PCNT: variants seen among roughly 807,000 people sequenced by gnomAD.
PCNT encodes pericentrin.
Under a neutral mutation model 380.4 loss-of-function variants are expected in PCNT, and 319 were observed. The observed-to-expected ratio is 0.84, with a 90% confidence interval of 0.77 to 0.92. PCNT has a LOEUF of 0.92. Ranked by LOEUF, PCNT falls within the 40% of genes least tolerant of loss-of-function variation. The probability of loss-of-function intolerance (pLI) is 0.00; values close to 1 mark genes in which losing one functional copy is unlikely to be tolerated. For missense variants in PCNT, 4,400 were observed against 4,255.3 expected (o/e 1.03, Z -0.95); for synonymous variants, 1,845 against 1,735.2 (o/e 1.06, Z -1.57).
chr21:46,427,697 G>A lies in PCNT; in HGVS notation c.7396G>A (p.Glu2466Lys), dbSNP rs1270124196. The change falls in exon 34 of 47, where the codon GAG (glutamate) becomes AAG (lysine). Residue 2466 changes from glutamate (E) to lysine (K), a missense_variant. Physicochemically the swap from Glu to Lys is moderately conservative, Grantham distance 56 (BLOSUM62 1). Transcript: ENST00000359568. ...VVQEAFEKEQ[E>K]MQGVELQPRL... ...GCAAGAGGCCTTTGAAAAAGAGCAG[G>A]AGATGCAGGGGGTTGAGCTGCAGCC... The A allele has an allele frequency of 6.2e-7, 1 of 1,613,950 alleles. No homozygotes were observed. The highest frequency in any genetic ancestry group is 1.1e-5 in the South Asian group (1 of 91,084).
rs144430478 is a variant in PCNT, at chr21:46,416,266, C to T, written c.6348C>T (p.Asp2116=). The T allele has an allele frequency of 6.1e-5, 98 of 1,614,152 alleles. No homozygotes were observed. The highest frequency in any genetic ancestry group is 2.0e-4 in the African/African-American group (15 of 75,022). Residue 2116 remains aspartate, a synonymous_variant, in exon 30 of 47, where the codon GAC becomes GAT. Coordinates refer to ENST00000359568, the MANE Select transcript of PCNT (RefSeq NM_006031.6). ...LESSWSDDSC[D]GEEPDISPHI... is the part of the protein sequence containing the mutation. ...GCAGCTGGAGTGATGATTCCTGTGA[C>T]GGAGAAGAGCCTGACATATCACCCC...
chr21:46,428,233 C>T (rs559171911), intron 34 of PCNT, among the ~76,000 whole-genome samples, 162 bp from the exon 35 acceptor site: 13 of 152,300 alleles, frequency 8.5e-5, no homozygotes, highest in East Asian at 3.9e-4. Context: ...CCAGCCCTGA[C>T]GCCTGCAGGC....
At position 46,367,065 on chromosome 21, in the gene PCNT, C is replaced by G. The variant is rs766301934; in HGVS notation, c.3091C>G (p.Arg1031Gly). ...ACACGAAGGGGAGCTACAGTCTGTG[C>G]GGGACCACCTGCGAACCGAAGTGAG... Reference protein sequence around the residue: ...RKHEGELQSVRDHLRTEVSTE... With the variant: ...RKHEGELQSVGDHLRTEVSTE... The change falls in exon 15 of 47, where the codon CGG (arginine) becomes GGG (glycine). Residue 1031 changes from arginine (R) to glycine (G), a missense_variant. Physicochemically the swap from Arg to Gly is moderately radical, Grantham distance 125. Coordinates refer to ENST00000359568, the MANE Select transcript of PCNT (RefSeq NM_006031.6). The G allele has an allele frequency of 1.4e-5, 22 of 1,613,906 alleles. No individual in the cohort carries two copies. Among genetic ancestry groups the G allele is most frequent in the Non-Finnish European group, 1.8e-5 (21 of 1,179,994 alleles).
rs548287016 is a variant in PCNT, at chr21:46,416,718, C to T, written c.6800C>T (p.Ser2267Leu). 9.0e-5 allele frequency: 142 copies of T among 1,579,278 alleles called. No homozygotes were observed. The Admixed American group carries it at 9.7e-4, about 11-fold the overall frequency. ...TCCCTGGGGGACAGGGCGGACACCT[C>T]GCTGCCACAGACCCAGGGGCCGGGG... is the stretch of plus-strand genomic sequence containing the variant. ...DTSLGDRADT[S>L]LPQTQGPGLL... The change falls in exon 30 of 47, where the codon TCG (serine) becomes TTG (leucine). Residue 2267 changes from serine (S) to leucine (L), a missense_variant. Ser to Leu is a moderately radical substitution (Grantham distance 145, BLOSUM62 -2). Coordinates refer to ENST00000359568, the MANE Select transcript of PCNT (RefSeq NM_006031.6).
At position 46,411,994 on chromosome 21, in the gene PCNT, C is replaced by T. The variant is rs143248882; in HGVS notation, c.5921C>T (p.Ala1974Val). 7 of 1,605,498 alleles carry T rather than the reference C, an allele frequency of 4.4e-6. No individual in the cohort carries two copies. The African/African-American group carries it at 9.3e-5, about 21-fold the overall frequency. ...AHPQPRMDGG[A>V]KAQVTGDVEA... Reference sequence around the variant, plus strand: ...CCACAGCCTCGCATGGATGGTGGCGCCAAGGCCCAGGTCACCGGCGACGTG... The same window carrying T: ...CCACAGCCTCGCATGGATGGTGGCGTCAAGGCCCAGGTCACCGGCGACGTG... Residue 1974 changes from alanine (A) to valine (V), a missense_variant, in exon 28 of 47, where the codon GCC becomes GTC. By Grantham distance (64) the Ala-to-Val change is moderately conservative. Coordinates refer to ENST00000359568, the MANE Select transcript of PCNT (RefSeq NM_006031.6).
At position 46,351,523 on chromosome 21, in the gene PCNT, G is replaced by A; in HGVS notation, c.1439G>A (p.Ser480Asn). 6.2e-7 allele frequency: 1 copy of A among 1,603,466 alleles called. No individual in the cohort carries two copies. Among genetic ancestry groups the A allele is most frequent in the South Asian group, 1.1e-5 (1 of 90,856 alleles). ...TCCCAGCTTGATTCTGCCAGGACCA[G>A]TAGACAGGAATTGAGTGGTGAGGAA... The part of the protein sequence containing the change: ...LWSQLDSART[S>N]RQELSELHEQ... Residue 480 changes from serine to asparagine, a missense_variant, in exon 9 of 47, where the codon AGT becomes AAT. Ser to Asn is a conservative substitution (Grantham distance 46, BLOSUM62 1). Coordinates refer to ENST00000359568, the MANE Select transcript of PCNT (RefSeq NM_006031.6).
rs2087033609 is a variant in PCNT, at chr21:46,416,536, T to C, written c.6618T>C (p.Thr2206=). The part of the protein sequence containing the change: ...VLGGSRHQSH[T]AEAGPRKSPV... Reference sequence around the variant, plus strand: ...GTGGCTCCCGCCACCAGAGCCACACTGCAGAGGCTGGGCCCCGGAAGAGCC... The same window carrying C: ...GTGGCTCCCGCCACCAGAGCCACACCGCAGAGGCTGGGCCCCGGAAGAGCC... Residue 2206 remains threonine (T), a synonymous_variant, in exon 30 of 47, where the codon ACT becomes ACC. Coordinates refer to ENST00000359568, the MANE Select transcript of PCNT (RefSeq NM_006031.6). 1.2e-6 allele frequency: 2 copies of C among 1,613,558 alleles called. No homozygotes were observed. Among genetic ancestry groups the C allele is most frequent in the African/African-American group, 1.3e-5 (1 of 74,922 alleles).
intron 44 of PCNT, 160 bp downstream of exon 44, chr21:46,442,733 G>A (rs2053642747): frequency 5.9e-6 from 4 of 679,568 alleles, no homozygotes; most frequent in South Asian, 1.6e-5. Flanking sequence ...GAGGGAAGGC[G>A]CGCCCGGCGT....
chr21:46,372,513 G>GT (rs536034481), intron 15 of PCNT, among the ~76,000 whole-genome samples: 36 of 152,336 alleles, frequency 2.4e-4, no homozygotes, highest in Admixed American at 2.4e-3. Context: ...TGGCCTTTCT[G>GT]TGGGGGGAGG....
At chr21:46,377,144 G>A (rs2085355076) in intron 15 of PCNT, among the ~76,000 whole-genome samples, 1 of 152,178 alleles carries the variant, frequency 6.6e-6, no homozygotes, top group Admixed American at 6.5e-5. Context: ...TGTGTTTATT[G>A]AAACTGTTGC....
At chr21:46,399,306 T>TGCAGCCTGTGGGTCTGGGTCTCTG (rs1569252798) in intron 24 of PCNT, among the ~76,000 whole-genome samples, 3 of 55,050 alleles carry the variant, frequency 5.4e-5, no homozygotes, top group South Asian at 4.8e-4. Flanking sequence ...CTGGGTCTCT[T>TGCAGCCTGTGGGTCTGGGTCTCTG]TTCAGCCTGT....
In PCNT at chr21:46,422,017, C is replaced by T; in HGVS notation, c.7072C>T (p.Pro2358Ser). The T allele has an allele frequency of 1.2e-6, 2 of 1,614,010 alleles. No individual in the cohort carries two copies. Among genetic ancestry groups the T allele is most frequent in the South Asian group, 1.1e-5 (1 of 91,086 alleles). ...AAGACTGAGCCCGGGGTCAGGAGGC[C>T]CTGAGGCTCAAACTGCTGGTCCTGT... is the stretch of plus-strand genomic sequence containing the variant. ...GARLSPGSGG[P>S]EAQTAGPVTP... Residue 2358 changes from proline (P) to serine (S), a missense_variant, in exon 32 of 47, where the codon CCT becomes TCT. Pro to Ser is a moderately conservative substitution (Grantham distance 74). Transcript: ENST00000359568.
intron 33 of PCNT, among the ~76,000 whole-genome samples, chr21:46,426,598 G>C (rs1367654480): frequency 1.3e-5 from 2 of 152,148 alleles, no homozygotes; most frequent in Non-Finnish European, 2.9e-5. Context: ...TGCCACTCGG[G>C]TGACTTGCCC....
At chr21:46,334,263 C>A in intron 2 of PCNT, 134 bp from the exon 3 acceptor site, 5 of 1,204,492 alleles carry the variant, frequency 4.2e-6, no homozygotes, top group Non-Finnish European at 6.1e-6. Context: ...GGTGCACGTT[C>A]TGAACAGGTG....
In PCNT at chr21:46,428,379, C is replaced by A; in HGVS notation, c.7495-16C>A. Reference sequence around the variant, plus strand: ...GCTGCCCAATGCTCAGGCTGCTTGTCCCATTGTGCCCCCAGGGAGACCTGC... The same window carrying A: ...GCTGCCCAATGCTCAGGCTGCTTGTACCATTGTGCCCCCAGGGAGACCTGC... On this transcript the variant is annotated splice_polypyrimidine_tract_variant and intron_variant, in intron 34 of 46. Coordinates refer to ENST00000359568, the MANE Select transcript of PCNT (RefSeq NM_006031.6). The A allele has an allele frequency of 6.2e-7, 1 of 1,610,290 alleles. No homozygotes were observed. The highest frequency in any genetic ancestry group is 8.5e-7 in the Non-Finnish European group (1 of 1,178,636).
intron 21 of PCNT, among the ~76,000 whole-genome samples, chr21:46,394,169 G>A (rs1221203099): frequency 6.6e-6 from 1 of 152,238 alleles, no homozygotes; most frequent in Non-Finnish European, 1.5e-5. Context: ...TCCCGGCAGG[G>A]CCTAGGCTCT....
At chr21:46,408,545 C>T (rs887884698) in intron 27 of PCNT, among the ~76,000 whole-genome samples, 5 of 152,148 alleles carry the variant, frequency 3.3e-5, no homozygotes, top group South Asian at 2.1e-4. Flanking sequence ...CGGGTAACCA[C>T]GTTCTCATCA....
chr21:46,347,653 T>C lies in PCNT; in HGVS notation c.1032+141T>C, dbSNP rs117843059. 2.3e-3 allele frequency: 1,799 copies of C among 774,800 alleles called. 18 individuals carry two copies. Among genetic ancestry groups the C allele is most frequent in the East Asian group, 0.013 (505 of 38,560 alleles). 48.0% of individuals were successfully genotyped at this position (774,800 alleles called of 1,614,324 possible). A position where few individuals can be genotyped will look rare whatever the true frequency, so the allele number is the denominator to read the frequency against. ...TTAGAATATGCTGGTTGAAAGTGTA[T>C]TGCGTTCTTTGTTTATTTATATCAT... On this transcript the variant is annotated intron_variant, in intron 6 of 46. Coordinates refer to ENST00000359568, the MANE Select transcript of PCNT (RefSeq NM_006031.6).
rs940410079 is a variant in PCNT, at chr21:46,324,574, G to C, written c.54+292G>C. Among the ~76,000 whole-genome samples the C allele has an allele frequency of 7.2e-4, 108 of 149,748 alleles. 2 individuals are homozygous for C. Among genetic ancestry groups the C allele is most frequent in the African/African-American group, 2.4e-3 (100 of 41,158 alleles). The stretch of plus-strand genomic sequence containing the variant: ...GGCTGCGCCTGCGTCGGGGGGGGTG[G>C]GGCGCGGGCTGGGCGCGGTGCACGC... On this transcript the variant is annotated intron_variant, in intron 1 of 46. Transcript: ENST00000359568.
Sources: gnomAD v4.1 joint callset for allele counts (sites outside exome capture counted in the v4.1 genomes callset) on GRCh38, gnomAD v4.1.1 for gene constraint, MANE v1.5 for transcripts, NCBI Gene and HGNC (gene_info 2026-07-23, HGNC 2026-07-21) for gene names.